Variants in FIRRM observed in about 807,000 individuals in gnomAD.
FIRRM encodes the protein FIGNL1-interacting regulator of recombination and mitosis.
the FIRRM span, chr1:169,821,632 ATTC>A: frequency 1.5e-6 from 2 of 1,364,146 alleles, no homozygotes; most frequent in African/African-American, 1.5e-5. Flanking sequence ...CTAATTTTAT[ATTC>A]TTTTCTTATT....
chr1:169,850,522 G>A, the FIRRM span: 1 of 527,736 alleles, frequency 1.9e-6, no homozygotes, highest in Non-Finnish European at 3.4e-6. Context: ...TTGGGGCCAG[G>A]CGCGGCGGCT....
At chr1:169,806,521 A>G in the FIRRM span, among the ~76,000 whole-genome samples, 3 of 152,242 alleles carry the variant, frequency 2.0e-5, no homozygotes, top group African/African-American at 7.2e-5. Flanking sequence ...ACTTTCTGAA[A>G]CTGAAGCATT....
chr1:169,820,153 G>C, the FIRRM span, among the ~76,000 whole-genome samples: 13 of 152,216 alleles, frequency 8.5e-5, no homozygotes, highest in African/African-American at 3.1e-4. Context: ...AGATGAAAGA[G>C]TGGACAGTTG....
chr1:169,849,675 C>A, the FIRRM span: 1 of 1,225,690 alleles, frequency 8.2e-7, no homozygotes. Context: ...CAGAACAATC[C>A]CAAAACATTT....
chr1:169,829,381 T>A, the FIRRM span: 1 of 1,613,968 alleles, frequency 6.2e-7, no homozygotes, highest in Non-Finnish European at 8.5e-7. Context: ...TGTCACCTTG[T>A]ATCAGCATGT....
At chr1:169,809,402 A>G in the FIRRM span, among the ~76,000 whole-genome samples, 2 of 152,150 alleles carry the variant, frequency 1.3e-5, no homozygotes, top group Non-Finnish European at 2.9e-5. Context: ...CTATAGATTC[A>G]TATTCTCAAC....
the FIRRM span, among the ~76,000 whole-genome samples, chr1:169,835,943 G>GATAGCC: frequency 6.6e-6 from 1 of 152,088 alleles, no homozygotes; most frequent in Non-Finnish European, 1.5e-5. Flanking sequence ...TGTCACAGCA[G>GATAGCC]ATAGCCACAT....
chr1:169,830,803 TATG>T, the FIRRM span: 9 of 1,429,018 alleles, frequency 6.3e-6, no homozygotes, highest in Non-Finnish European at 7.9e-6. Flanking sequence ...CCTTTGGGGA[TATG>T]ATAATCTTTA....
At chr1:169,810,580 T>G in the FIRRM span, among the ~76,000 whole-genome samples, 1 of 152,136 alleles carries the variant, frequency 6.6e-6, no homozygotes. Flanking sequence ...TGATAGTGAT[T>G]AAGGGCATAC....
the FIRRM span, chr1:169,853,624 G>C: frequency 7.0e-7 from 1 of 1,421,800 alleles, no homozygotes. Context: ...CCACTTTGGG[G>C]TTTTCTTGTC....
At chr1:169,828,163 A>G in the FIRRM span, among the ~76,000 whole-genome samples, 501 of 152,318 alleles carry the variant, frequency 3.3e-3, 6 homozygotes, top group African/African-American at 0.011. Flanking sequence ...AGAACACTAG[A>G]CACTGTAAGG....
At chr1:169,853,569 G>C in the FIRRM span, 1 of 815,388 alleles carries the variant, frequency 1.2e-6, no homozygotes, top group African/African-American at 1.7e-5. Flanking sequence ...TCCTACTTCA[G>C]TTGGCACAGA....
chr1:169,796,099 T>C, the FIRRM span: 3 of 433,078 alleles, frequency 6.9e-6, no homozygotes, highest in Non-Finnish European at 9.2e-6. Flanking sequence ...GCACAAATAT[T>C]GTGCAGCTAA....
chr1:169,827,167 C>G, the FIRRM span: 1 of 1,613,386 alleles, frequency 6.2e-7, no homozygotes, highest in Non-Finnish European at 8.5e-7. Flanking sequence ...ACATTTCAGC[C>G]TTTCATGCAG....
the FIRRM span, chr1:169,793,239 A>T: frequency 1.9e-6 from 3 of 1,614,066 alleles, no homozygotes; most frequent in Non-Finnish European, 2.5e-6. Flanking sequence ...TCAGAGTGAG[A>T]AGAAAAGCTT....
the FIRRM span, among the ~76,000 whole-genome samples, chr1:169,784,441 C>T: frequency 6.6e-6 from 1 of 152,036 alleles, no homozygotes; most frequent in Non-Finnish European, 1.5e-5. Context: ...CATTTTTTTT[C>T]CCCAGCACTC....
At chr1:169,808,338 T>C in the FIRRM span, among the ~76,000 whole-genome samples, 2 of 152,228 alleles carry the variant, frequency 1.3e-5, no homozygotes, top group African/African-American at 4.8e-5. Context: ...TGTTTGTGCA[T>C]GTATATGTAT....
the FIRRM span, chr1:169,829,487 CT>C: frequency 1.3e-6 from 2 of 1,525,154 alleles, no homozygotes; most frequent in Admixed American, 4.2e-5. Flanking sequence ...TAAGGTTACA[CT>C]TTTGCTTTCT....
At chr1:169,836,431 T>C in the FIRRM span, among the ~76,000 whole-genome samples, 1 of 152,186 alleles carries the variant, frequency 6.6e-6, no homozygotes, top group Non-Finnish European at 1.5e-5. Context: ...ACTGATTTAG[T>C]ATGTTGTCTA....
Sources: allele counts gnomAD v4.1 joint callset (sites outside exome capture counted in the v4.1 genomes callset), GRCh38; gene constraint gnomAD v4.1.1; transcripts MANE v1.5; gene names NCBI Gene and HGNC (gene_info 2026-07-23, HGNC 2026-07-21).